Variants in RNF144B observed in about 807,000 individuals in gnomAD.
The protein encoded by RNF144B is ring finger protein 144B.
A neutral mutation model predicts 40.2 loss-of-function variants in RNF144B; 25 were observed. The observed-to-expected ratio is 0.62, with a 90% CI of 0.45 to 0.87. The LOEUF is 0.87. RNF144B is among the 40% of genes least tolerant of loss of function. RNF144B has a pLI of 0.00. For synonymous variants in RNF144B, 145 were observed against 136.3 expected (o/e 1.06, Z -0.44); for missense variants, 365 against 373.7 (o/e 0.98, Z 0.19).
chr6:18,426,697 G>A (rs1758562608), intron 2 of RNF144B, among the ~76,000 whole-genome samples: 4 of 149,554 alleles, frequency 2.7e-5, no homozygotes, highest in Non-Finnish European at 5.9e-5. Flanking sequence ...TTTCTATTCA[G>A]TTTCTTCTGT....
rs1759360237 is a variant in RNF144B, at chr6:18,457,639, T to C, written c.536+280T>C. On this transcript the variant is annotated intron_variant, in intron 5 of 7. Transcript: ENST00000259939. This position sits in a 1 kb window ranked among gnomAD's most constrained non-coding sequence, Gnocchi z 5.1. ...GGCACCGTGGTCTACTGGTTCTCAG[T>C]AGGAAATCATGACTTGTTCCCGCTC... 6.6e-6 allele frequency among the ~76,000 whole-genome samples: 1 copy of C among 152,186 alleles called. No homozygotes were observed. The highest frequency in any genetic ancestry group is 2.1e-4 in the South Asian group (1 of 4,830).
At chr6:18,420,551 A>G (rs991322081) in intron 2 of RNF144B, among the ~76,000 whole-genome samples, 1 of 152,180 alleles carries the variant, frequency 6.6e-6, no homozygotes, top group African/African-American at 2.4e-5. Context: ...CATGTGTACA[A>G]TAAACATCTG....
intron 2 of RNF144B, among the ~76,000 whole-genome samples, chr6:18,424,451 A>G (rs1027822259): frequency 6.6e-6 from 1 of 152,184 alleles, no homozygotes; most frequent in Non-Finnish European, 1.5e-5. Context: ...CTTAGCATTA[A>G]AAACAAAGGG....
rs1338503704 is a variant in RNF144B, at chr6:18,425,050, T to C, written c.166-2531T>C. Among the ~76,000 whole-genome samples, 2 of 147,698 alleles carry C rather than the reference T, an allele frequency of 1.4e-5. No individual in the cohort carries two copies. Among genetic ancestry groups the C allele is most frequent in the African/African-American group, 4.9e-5 (2 of 40,580 alleles). On this transcript the variant is annotated intron_variant, in intron 2 of 7. Transcript: ENST00000259939. This position sits in a 1 kb window ranked among gnomAD's most constrained non-coding sequence, Gnocchi z 4.2. ...TATAAATTTCACGTGTATGTGTGTA[T>C]GTGTGGGTGTGTGTGTGTGTGTGTT... is the stretch of plus-strand genomic sequence containing the variant.
rs975184207 is a variant in RNF144B, at chr6:18,395,493, A to G, written c.-36-4006A>G. 6.6e-6 allele frequency among the ~76,000 whole-genome samples: 1 copy of G among 152,232 alleles called. No homozygotes were observed. The highest frequency in any genetic ancestry group is 2.4e-5 in the African/African-American group (1 of 41,462). ...CATCTCAGGTGTGGGGAAATTCATT[A>G]GAGGCTTTCAGGATTCTCCTGTTTA... On this transcript the variant is annotated intron_variant, in intron 1 of 7. Coordinates refer to ENST00000259939, the MANE Select transcript of RNF144B (RefSeq NM_182757.4). The surrounding 1 kb of genome is among the most constrained non-coding windows in gnomAD (Gnocchi z 4.5).
At position 18,467,902 on chromosome 6, in the gene RNF144B, A is replaced by C. The variant is rs1474195627; in HGVS notation, c.*2835A>C. On this transcript the variant is annotated 3_prime_UTR_variant, in exon 8 of 8. Transcript: ENST00000259939. The stretch of plus-strand genomic sequence containing the variant: ...GCGATCCACCCACCTTGGGCTCCCA[A>C]AGTGTTGGGATTACAGGTGTGTGTC... The C allele has an allele frequency of 6.6e-6, 1 of 152,194 alleles. No homozygotes were observed. The highest frequency in any genetic ancestry group is 1.9e-4 in the East Asian group (1 of 5,184). 9.4% of individuals were successfully genotyped at this position (152,194 alleles called of 1,614,324 possible). A position where few individuals can be genotyped will look rare whatever the true frequency, so the allele number is the denominator to read the frequency against.
At chr6:18,391,699 C>T (rs1385261519) in intron 1 of RNF144B, among the ~76,000 whole-genome samples, 1 of 151,220 alleles carries the variant, frequency 6.6e-6, no homozygotes, top group East Asian at 2.0e-4. Context: ...AACCACATCT[C>T]TACTAAAAAT....
rs377445144 is a variant in RNF144B at position 18,414,560 on chromosome 6, C to T, written c.166-13021C>T. Among the ~76,000 whole-genome samples the T allele has an allele frequency of 2.5e-4, 38 of 152,168 alleles. No individual in the cohort carries two copies. The East Asian group carries it at 7.3e-3, about 29-fold the overall frequency. Reference sequence around the variant, plus strand: ...CAGATAGTTATTAATATTGCTACCACTAGTTTTATTTAAAAATGTTTTAAT... The same window carrying T: ...CAGATAGTTATTAATATTGCTACCATTAGTTTTATTTAAAAATGTTTTAAT... On this transcript the variant is annotated intron_variant, in intron 2 of 7. Coordinates refer to ENST00000259939, the MANE Select transcript of RNF144B (RefSeq NM_182757.4). This position sits in a 1 kb window ranked among gnomAD's most constrained non-coding sequence, Gnocchi z 4.9.
Position 18,422,468 on chromosome 6 carries a change from G to T in RNF144B, c.166-5113G>T, listed in dbSNP as rs1758447704. Among the ~76,000 whole-genome samples the T allele has an allele frequency of 6.6e-6, 1 of 152,164 alleles. No individual in the cohort carries two copies. Among genetic ancestry groups the T allele is most frequent in the Non-Finnish European group, 1.5e-5 (1 of 68,040 alleles). Reference sequence around the variant, plus strand: ...GATAAAAAGCAAAACAGGTACTCAAGACCTGTCTGGGCTTTGGCCTTTGGG... The same window carrying T: ...GATAAAAAGCAAAACAGGTACTCAATACCTGTCTGGGCTTTGGCCTTTGGG... On this transcript the variant is annotated intron_variant, in intron 2 of 7. Transcript: ENST00000259939. The surrounding 1 kb of genome is among the most constrained non-coding windows in gnomAD (Gnocchi z 4.7).
rs1360609491 is a variant in RNF144B at position 18,443,951 on chromosome 6, G to T, written c.331+4207G>T. 6.6e-6 allele frequency among the ~76,000 whole-genome samples: 1 copy of T among 152,182 alleles called. No individual in the cohort carries two copies. The highest frequency in any genetic ancestry group is 1.5e-5 in the Non-Finnish European group (1 of 68,038). On this transcript the variant is annotated intron_variant, in intron 4 of 7. Transcript: ENST00000259939. This position sits in a 1 kb window ranked among gnomAD's most constrained non-coding sequence, Gnocchi z 4.7. ...CTGGACTGTGAGACAGAATTGTAGA[G>T]ATTGCTGCTGCTCTGGAAAAACGTA...
intron 2 of RNF144B, among the ~76,000 whole-genome samples, chr6:18,403,821 C>A (rs1392541863): frequency 6.6e-6 from 1 of 152,124 alleles, no homozygotes; most frequent in Non-Finnish European, 1.5e-5. Context: ...AGGTCTCATG[C>A]TAGGTCAAAA....
rs1360009012 is a variant in RNF144B at position 18,422,550 on chromosome 6, T to C, written c.166-5031T>C. On this transcript the variant is annotated intron_variant, in intron 2 of 7. Coordinates refer to ENST00000259939, the MANE Select transcript of RNF144B (RefSeq NM_182757.4). The surrounding 1 kb of genome is among the most constrained non-coding windows in gnomAD (Gnocchi z 4.7). ...TGGCTGAGCTATGGATGAGAAAACC[T>C]AGGTCAATAGTTCACCAACTCACCT... is the stretch of plus-strand genomic sequence containing the variant. Among the ~76,000 whole-genome samples the C allele has an allele frequency of 6.6e-6, 1 of 152,104 alleles. No individual in the cohort carries two copies. Among genetic ancestry groups the C allele is most frequent in the Non-Finnish European group, 1.5e-5 (1 of 68,026 alleles).
Position 18,427,746 on chromosome 6 carries a change from A to C in RNF144B, c.270+61A>C. On this transcript the variant is annotated intron_variant, in intron 3 of 7. Coordinates refer to ENST00000259939, the MANE Select transcript of RNF144B (RefSeq NM_182757.4). ...ATTTATGTTATTTATTAGGATCTTG[A>C]GTCTTTATGTATTTCCCTACCAGGG... The C allele has an allele frequency of 3.6e-6, 4 of 1,113,750 alleles. No homozygotes were observed. In the East Asian group the frequency reaches 9.7e-5, roughly 27 times the overall value. 69.0% of individuals were successfully genotyped at this position (1,113,750 alleles called of 1,614,324 possible). A position where few individuals can be genotyped will look rare whatever the true frequency, so the allele number is the denominator to read the frequency against.
chr6:18,387,522 G>T lies in RNF144B; in HGVS notation c.-145G>T. 7.6e-7 allele frequency: 1 copy of T among 1,314,052 alleles called. No individual in the cohort carries two copies. Among genetic ancestry groups the T allele is most frequent in the Non-Finnish European group, 1.0e-6 (1 of 1,003,426 alleles). 81.4% of individuals were successfully genotyped at this position (1,314,052 alleles called of 1,614,324 possible). On this transcript the variant is annotated 5_prime_UTR_variant, in exon 1 of 8. Coordinates refer to ENST00000259939, the MANE Select transcript of RNF144B (RefSeq NM_182757.4). ...AGCCGCAGAGCACGGAGGAAAGACG[G>T]AGAGAATGGAAGAGCTCCTGTCCGG...
At chr6:18,407,052 C>T (rs1183997564) in intron 2 of RNF144B, among the ~76,000 whole-genome samples, 1 of 152,040 alleles carries the variant, frequency 6.6e-6, no homozygotes, top group Non-Finnish European at 1.5e-5. Flanking sequence ...AATCTAGTCA[C>T]CTCCCACCAG....
chr6:18,442,248 G>A lies in RNF144B; in HGVS notation c.331+2504G>A, dbSNP rs552896868. On this transcript the variant is annotated intron_variant, in intron 4 of 7. Transcript: ENST00000259939. The surrounding 1 kb of genome is among the most constrained non-coding windows in gnomAD (Gnocchi z 4.3). ...ATATATTCAGTCTAGCTACAATTAA[G>A]TTGGGCAGGCATCTGAGCCAGTCTA... 6.6e-6 allele frequency among the ~76,000 whole-genome samples: 1 copy of A among 152,156 alleles called. No homozygotes were observed. The highest frequency in any genetic ancestry group is 2.4e-5 in the African/African-American group (1 of 41,422).
intron 3 of RNF144B, among the ~76,000 whole-genome samples, chr6:18,432,724 G>C (rs1390905191): frequency 6.6e-6 from 1 of 152,228 alleles, no homozygotes; most frequent in Admixed American, 6.5e-5. Context: ...TATTTGAATA[G>C]TACCTGCCAT....
chr6:18,459,892 A>G lies in RNF144B; in HGVS notation c.681+141A>G. The G allele has an allele frequency of 2.6e-6, 2 of 764,302 alleles. No homozygotes were observed. Among genetic ancestry groups the G allele is most frequent in the Admixed American group, 2.5e-5 (1 of 39,468 alleles). 47.3% of individuals were successfully genotyped at this position (764,302 alleles called of 1,614,324 possible). A position where few individuals can be genotyped will look rare whatever the true frequency, so the allele number is the denominator to read the frequency against. On this transcript the variant is annotated intron_variant, in intron 6 of 7. Coordinates refer to ENST00000259939, the MANE Select transcript of RNF144B (RefSeq NM_182757.4). The surrounding 1 kb of genome is among the most constrained non-coding windows in gnomAD (Gnocchi z 4.2). Reference sequence around the variant, plus strand: ...TTTATTTTTCTTAATGAGACTTACTAAGCCTGATACTTTAGATATCTAAAA... The same window carrying G: ...TTTATTTTTCTTAATGAGACTTACTGAGCCTGATACTTTAGATATCTAAAA...
At chr6:18,421,176 C>T (rs1393704198) in intron 2 of RNF144B, among the ~76,000 whole-genome samples, 1 of 151,706 alleles carries the variant, frequency 6.6e-6, no homozygotes, top group African/African-American at 2.4e-5. Flanking sequence ...TGCTTGACCC[C>T]AGGAGGCAGA....
Sources: gnomAD v4.1 joint callset for allele counts (sites outside exome capture counted in the v4.1 genomes callset) on GRCh38, gnomAD v4.1.1 for gene constraint, Gnocchi (gnomAD v3.1) non-coding constraint, MANE v1.5 for transcripts, NCBI Gene and HGNC (gene_info 2026-07-23, HGNC 2026-07-21) for gene names.